Variants in RASA1 observed in about 807,000 individuals in gnomAD.
The protein encoded by RASA1 is ras GTPase-activating protein 1.
A neutral mutation model predicts 132.2 loss-of-function variants in RASA1; 25 were observed. That is an observed-to-expected ratio of 0.19 (90% confidence interval 0.14 to 0.26). The LOEUF (loss-of-function observed/expected upper bound fraction) is 0.26. Ranked by LOEUF, RASA1 falls within the 10% of genes least tolerant of loss-of-function variation. The pLI is 1.00. For missense variants in RASA1, 964 were observed against 1,299.2 expected (o/e 0.74, Z 3.97); for synonymous variants, 477 against 449.9 (o/e 1.06, Z -0.76).
At chr5:87,374,459 AT>A (rs770426797) in intron 14 of RASA1, 139 bp downstream of exon 14, 25,614 of 166,486 alleles carry the variant, frequency 0.15, 1,091 homozygotes, top group Middle Eastern at 0.27. Flanking sequence ...ATATATATAT[AT>A]TTTTTTTTTT....
rs562630348 is a variant in RASA1 at position 87,356,387 on chromosome 5, T to A, written c.1332+3152T>A. Among the ~76,000 whole-genome samples the A allele has an allele frequency of 1.2e-3, 178 of 152,104 alleles. 1 individual carries two copies. The highest frequency in any genetic ancestry group is 2.0e-3 in the Non-Finnish European group (138 of 67,970). On this transcript the variant is annotated intron_variant, in intron 9 of 24. Coordinates refer to ENST00000274376, the MANE Select transcript of RASA1 (RefSeq NM_002890.3). ...CTGACGTCCTAGATGATTGTTATTTTTTTTTTTTTTTCTCCCTCCGGAGTC... is the reference window on the plus strand; with the variant it reads ...CTGACGTCCTAGATGATTGTTATTTATTTTTTTTTTTCTCCCTCCGGAGTC...
chr5:87,363,454 A>G lies in RASA1; in HGVS notation c.1560A>G (p.Ile520Met). The G allele has an allele frequency of 6.2e-7, 1 of 1,612,376 alleles. No individual in the cohort carries two copies. Among genetic ancestry groups the G allele is most frequent in the Non-Finnish European group, 8.5e-7 (1 of 1,178,660 alleles). Reference protein sequence around the residue: ...EKRATKPKGLIDLSVCSVYVV... With the variant: ...EKRATKPKGLMDLSVCSVYVV... ...GAGCTACCAAACCAAAAGGATTAAT[A>G]GATCTCAGTGTATGTTCTGTCTATG... Residue 520 changes from isoleucine to methionine, a missense_variant, in exon 11 of 25, where the codon ATA becomes ATG. Around this residue, in one of 6 missense-constraint regions of RASA1, gnomAD observed 346 missense variants for 520.1 expected, o/e 0.67. Transcript: ENST00000274376.
chr5:87,277,621 T>C (rs1430820347), intron 1 of RASA1, among the ~76,000 whole-genome samples: 7 of 152,164 alleles, frequency 4.6e-5, no homozygotes, highest in Admixed American at 4.6e-4. Flanking sequence ...TTCTGTTGTT[T>C]AAGCCACCCA....
At chr5:87,286,884 CCATATA>C (rs1754593756) in intron 1 of RASA1, among the ~76,000 whole-genome samples, 1 of 149,434 alleles carries the variant, frequency 6.7e-6, no homozygotes, top group Non-Finnish European at 1.5e-5. Flanking sequence ...TATATATACA[CCATATA>C]CATATACACC....
Position 87,346,720 on chromosome 5 carries a change from G to T in RASA1, c.1098G>T (p.Met366Ile). 1 of 1,546,768 alleles carries T rather than the reference G, an allele frequency of 6.5e-7. No homozygotes were observed. The highest frequency in any genetic ancestry group is 1.1e-5 in the South Asian group (1 of 89,146). ...ISKQEAYNLL[M>I]TVGQVCSFLV... is the part of the protein sequence containing the mutation. Reference sequence around the variant, plus strand: ...AACAGGAAGCTTATAATTTACTAATGACAGGTACTTACATATTTACTTGCT... The same window carrying T: ...AACAGGAAGCTTATAATTTACTAATTACAGGTACTTACATATTTACTTGCT... The change falls in exon 7 of 25, where the codon ATG becomes ATT. Residue 366 changes from methionine to isoleucine, a missense_variant. This residue lies in a region of RASA1 where 154 missense variants were observed against 286.5 expected (regional missense o/e 0.54). Coordinates refer to ENST00000274376, the MANE Select transcript of RASA1 (RefSeq NM_002890.3).
At chr5:87,362,990 C>T (rs189363766) in intron 10 of RASA1, among the ~76,000 whole-genome samples, 2 of 150,564 alleles carry the variant, frequency 1.3e-5, no homozygotes, top group East Asian at 3.9e-4. Flanking sequence ...TTTGACATAA[C>T]GACATTTTGG....
chr5:87,320,081 A>G (rs1270485019), intron 1 of RASA1, among the ~76,000 whole-genome samples: 3 of 152,190 alleles, frequency 2.0e-5, no homozygotes, highest in African/African-American at 7.2e-5. Context: ...AGTCTCTGCT[A>G]AATCATAGCA....
At chr5:87,298,192 G>A (rs1755202771) in intron 1 of RASA1, among the ~76,000 whole-genome samples, 1 of 151,884 alleles carries the variant, frequency 6.6e-6, no homozygotes, top group African/African-American at 2.4e-5. Context: ...GGTGGATCAC[G>A]AGGTCAGGAG....
intron 1 of RASA1, among the ~76,000 whole-genome samples, chr5:87,288,536 C>G (rs754114901): frequency 2.4e-4 from 37 of 152,068 alleles, no homozygotes; most frequent in Non-Finnish European, 4.6e-4. Context: ...GGGATTGTAG[C>G]AAACGATGTG....
chr5:87,324,563 A>T (rs1464639232), intron 1 of RASA1, among the ~76,000 whole-genome samples: 2 of 152,144 alleles, frequency 1.3e-5, no homozygotes, highest in Non-Finnish European at 2.9e-5. Context: ...GATTCTGTAA[A>T]TATGTTACCT....
At chr5:87,331,119 T>A (rs1432999211) in intron 1 of RASA1, 1 of 851,902 alleles carries the variant, frequency 1.2e-6, no homozygotes, top group African/African-American at 1.7e-5. Context: ...GATTTATATA[T>A]GAGATGACTA....
In RASA1 at chr5:87,345,761, T is replaced by C. The variant is rs188624136; in HGVS notation, c.1050-911T>C. 3.2e-4 allele frequency among the ~76,000 whole-genome samples: 48 copies of C among 152,292 alleles called. 1 individual carries two copies. The East Asian group carries it at 7.9e-3, about 25-fold the overall frequency. ...GTCACACTGGACTTTTGAGCACTTA[T>C]ATATTTTAGTCGTATATTTACTTTC... On this transcript the variant is annotated intron_variant, in intron 6 of 24. Transcript: ENST00000274376.
At chr5:87,375,541 C>T (rs1002096826) in intron 15 of RASA1, among the ~76,000 whole-genome samples, 18 of 152,070 alleles carry the variant, frequency 1.2e-4, no homozygotes, top group Non-Finnish European at 2.2e-4. Context: ...GATTACATTA[C>T]CATATAAGTA....
intron 15 of RASA1, among the ~76,000 whole-genome samples, chr5:87,375,689 C>G (rs995330831): frequency 2.6e-5 from 4 of 152,298 alleles, no homozygotes; most frequent in African/African-American, 9.6e-5. Context: ...AGCAGCACAG[C>G]TCCTTCCATC....
At chr5:87,361,691 A>G (rs1236053158) in intron 9 of RASA1, among the ~76,000 whole-genome samples, 1 of 152,188 alleles carries the variant, frequency 6.6e-6, no homozygotes, top group African/African-American at 2.4e-5. Flanking sequence ...AATGTAACAT[A>G]TGCATTCCTA....
intron 9 of RASA1, among the ~76,000 whole-genome samples, chr5:87,354,116 A>G (rs911475666): frequency 6.6e-6 from 1 of 151,608 alleles, no homozygotes; most frequent in Non-Finnish European, 1.5e-5. Context: ...TATAGCTACT[A>G]CTTATTGCAG....
intron 1 of RASA1, among the ~76,000 whole-genome samples, chr5:87,311,306 A>G (rs1755897012): frequency 6.6e-6 from 1 of 152,202 alleles, no homozygotes; most frequent in Non-Finnish European, 1.5e-5. Context: ...TAAATTTTCA[A>G]GCAAAAATTA....
At chr5:87,278,305 G>C (rs964503127) in intron 1 of RASA1, among the ~76,000 whole-genome samples, 4 of 152,014 alleles carry the variant, frequency 2.6e-5, no homozygotes, top group Admixed American at 2.6e-4. Context: ...CCAGCACTTT[G>C]GGAGGCCGAG....
chr5:87,273,618 T>G (rs1308628462), intron 1 of RASA1, among the ~76,000 whole-genome samples: 1 of 152,170 alleles, frequency 6.6e-6, no homozygotes, highest in Non-Finnish European at 1.5e-5. Flanking sequence ...CCCACAGATA[T>G]ATACTGCTTG....
Sources: gnomAD v4.1 joint callset for allele counts (sites outside exome capture counted in the v4.1 genomes callset) on GRCh38, gnomAD v4.1.1 for gene constraint, gnomAD v4.1.1 regional missense constraint, MANE v1.5 for transcripts, NCBI Gene and HGNC (gene_info 2026-07-23, HGNC 2026-07-21) for gene names.